ADAMTS9: variants seen among roughly 807,000 people sequenced by gnomAD.
ADAMTS9 encodes ADAM metallopeptidase with thrombospondin type 1 motif 9, also known as A disintegrin and metalloproteinase with thrombospondin motifs 9.
ADAMTS9 carries 107 observed loss-of-function variants against 257.1 expected under a neutral mutation model. The observed-to-expected ratio is 0.42, with a 90% CI of 0.36 to 0.49. The LOEUF is 0.49. ADAMTS9 is among the 20% of genes least tolerant of loss of function. The pLI, the probability that ADAMTS9 is intolerant of heterozygous loss-of-function variation, is 0.03. For synonymous variants in ADAMTS9, 982 were observed against 880.9 expected (o/e 1.11, Z -2.03); for missense variants, 2,353 against 2,469.1 (o/e 0.95, Z 1.00).
At chr3:64,648,651 G>A (rs894997599) in intron 10 of ADAMTS9, among the ~76,000 whole-genome samples, 1 of 152,066 alleles carries the variant, frequency 6.6e-6, no homozygotes, top group Non-Finnish European at 1.5e-5. Flanking sequence ...AATAGAAAAA[G>A]TTTCAAACTA....
intron 39 of ADAMTS9, among the ~76,000 whole-genome samples, chr3:64,519,153 C>T (rs2082819286): frequency 6.6e-6 from 1 of 152,200 alleles, no homozygotes; most frequent in Non-Finnish European, 1.5e-5. Flanking sequence ...AGCTCCTCCA[C>T]ACAGTTTTGT....
At chr3:64,668,447 C>A (rs1425955788) in intron 3 of ADAMTS9, among the ~76,000 whole-genome samples, 2 of 152,122 alleles carry the variant, frequency 1.3e-5, no homozygotes, top group African/African-American at 4.8e-5. Flanking sequence ...AGAGTGTGAG[C>A]TCGGGAATCA....
chr3:64,608,772 T>C (rs1488873448), intron 22 of ADAMTS9, among the ~76,000 whole-genome samples: 1 of 151,314 alleles, frequency 6.6e-6, no homozygotes, highest in Non-Finnish European at 1.5e-5. Flanking sequence ...GGAGAACACA[T>C]CCTAACTTAT....
rs7640062 is a variant in ADAMTS9, at chr3:64,632,023, A to G, written c.2176-98T>C. The G allele has an allele frequency of 0.48, 415,354 of 869,782 alleles. 102,446 individuals carry two copies. The highest frequency in any genetic ancestry group is 0.75 in the African/African-American group (44,232 of 58,682). 53.9% of individuals were successfully genotyped at this position (869,782 alleles called of 1,614,324 possible). ...TTTAATCGTGTGCACTAAAAATGACAAGAAAGTCAAGTCCTTTAAAACTTG... is the reference window on the plus strand; with the variant it reads ...TTTAATCGTGTGCACTAAAAATGACGAGAAAGTCAAGTCCTTTAAAACTTG... On this transcript the variant is annotated intron_variant, in intron 14 of 39. Coordinates refer to ENST00000498707, the MANE Select transcript of ADAMTS9 (RefSeq NM_182920.2).
intron 29 of ADAMTS9, chr3:64,562,819 T>C (rs944476581): frequency 6.6e-6 from 1 of 152,240 alleles, no homozygotes; most frequent in African/African-American, 2.4e-5. Context: ...TTCAACTTTC[T>C]TTGAGACTAT....
rs1428425513 is a variant in ADAMTS9 at position 64,561,575 on chromosome 3, T to G, written c.4698+3A>C. ...GCAGGTACCCCTTTGTGGCTCTACTTACTTCTTGCCATTCCTCTGCCCTCC... is the reference window on the plus strand; with the variant it reads ...GCAGGTACCCCTTTGTGGCTCTACTGACTTCTTGCCATTCCTCTGCCCTCC... On this transcript the variant is annotated splice_donor_region_variant and intron_variant, in intron 30 of 39. Transcript: ENST00000498707. The G allele has an allele frequency of 6.2e-7, 1 of 1,612,292 alleles. No homozygotes were observed. The highest frequency in any genetic ancestry group is 1.7e-5 in the Admixed American group (1 of 59,900).
At chr3:64,555,446 T>C (rs12637849) in intron 30 of ADAMTS9, among the ~76,000 whole-genome samples, 12,742 of 152,108 alleles carry the variant, frequency 0.084, 1,261 homozygotes, top group African/African-American at 0.22. Context: ...GGAGGCAGCC[T>C]CCATGGCTTC....
chr3:64,677,614 T>C (rs1701652542), intron 3 of ADAMTS9, among the ~76,000 whole-genome samples: 1 of 152,188 alleles, frequency 6.6e-6, no homozygotes, highest in Non-Finnish European at 1.5e-5. Context: ...TTTTCTATTT[T>C]CATGAACCTT....
At chr3:64,530,383 G>GAAGTC (rs904477298) in intron 38 of ADAMTS9, among the ~76,000 whole-genome samples, 2 of 152,064 alleles carry the variant, frequency 1.3e-5, no homozygotes, top group Non-Finnish European at 2.9e-5. Flanking sequence ...CCACACGGGG[G>GAAGTC]AAGTCAGACA....
chr3:64,584,623 GA>G (rs1315682514), intron 28 of ADAMTS9, among the ~76,000 whole-genome samples: 4 of 152,172 alleles, frequency 2.6e-5, no homozygotes, highest in African/African-American at 9.6e-5. Context: ...GTTTCTTTAA[GA>G]AATTTTATAA....
chr3:64,672,764 C>A (rs564432970), intron 3 of ADAMTS9, among the ~76,000 whole-genome samples: 146 of 152,288 alleles, frequency 9.6e-4, no homozygotes, highest in African/African-American at 3.4e-3. Context: ...ACCTAACTTG[C>A]CACCTTACAA....
intron 11 of ADAMTS9, among the ~76,000 whole-genome samples, chr3:64,647,017 A>G (rs72890868): frequency 0.02 from 3,071 of 152,246 alleles, 84 homozygotes; most frequent in African/African-American, 0.068. Flanking sequence ...TACCAATTCT[A>G]TAAGGTAAAG....
rs140423269 is a variant in ADAMTS9 at position 64,616,083 on chromosome 3, C to G, written c.2901G>C (p.Arg967Ser). The G allele has an allele frequency of 1.4e-4, 234 of 1,614,112 alleles. 1 individual carries two copies. The East Asian group carries it at 4.5e-3, about 31-fold the overall frequency. ...TLDIYCAKYSRLDGKTEKVDD... is the reference protein window; with the variant it reads ...TLDIYCAKYSSLDGKTEKVDD... ...CAACCTTCTCAGTCTTCCCATCCAG[C>G]CTGCTATATTTGGCACAGTAGATGT... Residue 967 changes from arginine (R) to serine (S), a missense_variant, in exon 20 of 40, where the codon AGG becomes AGC. Arg to Ser is a moderately radical substitution (Grantham distance 110). Transcript: ENST00000498707.
chr3:64,634,711 A>G (rs1452910184), intron 12 of ADAMTS9, among the ~76,000 whole-genome samples: 2 of 152,146 alleles, frequency 1.3e-5, no homozygotes, highest in Admixed American at 6.5e-5. Flanking sequence ...GTTGGGGCTC[A>G]CTCACCCAGG....
intron 31 of ADAMTS9, among the ~76,000 whole-genome samples, chr3:64,548,012 AC>A (rs1225642395): frequency 6.6e-6 from 1 of 152,118 alleles, no homozygotes; most frequent in Non-Finnish European, 1.5e-5. Flanking sequence ...CTCTAGACTT[AC>A]GGTTCTTGGG....
intron 38 of ADAMTS9, among the ~76,000 whole-genome samples, chr3:64,523,428 G>A (rs1237367889): frequency 6.6e-6 from 1 of 152,088 alleles, no homozygotes; most frequent in Admixed American, 6.6e-5. Context: ...GTGGAATAGT[G>A]GAATAGTTTA....
At chr3:64,538,309 T>G (rs1367365099) in intron 37 of ADAMTS9, among the ~76,000 whole-genome samples, 2 of 152,186 alleles carry the variant, frequency 1.3e-5, no homozygotes, top group Non-Finnish European at 2.9e-5. Context: ...GTTTTGTTGC[T>G]AAGACTATTC....
intron 36 of ADAMTS9, among the ~76,000 whole-genome samples, chr3:64,539,866 T>G (rs568733363): frequency 1.3e-5 from 2 of 152,360 alleles, no homozygotes; most frequent in East Asian, 1.9e-4. Flanking sequence ...TTTTATTTTT[T>G]AAAGAGCCAA....
chr3:64,582,885 T>C (rs2084041605), intron 28 of ADAMTS9: 1 of 151,896 alleles, frequency 6.6e-6, no homozygotes, highest in Admixed American at 6.6e-5. Flanking sequence ...TCCAGAAGAG[T>C]TCTCAAAAGA....
Sources: gnomAD v4.1 joint callset for allele counts (sites outside exome capture counted in the v4.1 genomes callset) on GRCh38, gnomAD v4.1.1 for gene constraint, MANE v1.5 for transcripts, NCBI Gene and HGNC (gene_info 2026-07-23, HGNC 2026-07-21) for gene names.